ANKS1B: variants seen among roughly 807,000 people sequenced by gnomAD.
ANKS1B encodes the protein ankyrin repeat and sterile alpha motif domain containing 1B, also known as ankyrin repeat and sterile alpha motif domain-containing protein 1B.
A neutral mutation model predicts 148.3 loss-of-function variants in ANKS1B; 36 were observed. That is an observed-to-expected ratio of 0.24 (90% confidence interval 0.19 to 0.32). ANKS1B has a LOEUF of 0.32. ANKS1B is among the 10% of genes least tolerant of loss of function. The probability of loss-of-function intolerance (pLI) is 1.00; values close to 1 mark genes in which losing one functional copy is unlikely to be tolerated. For missense variants in ANKS1B, 1,157 were observed against 1,542.6 expected, an observed-to-expected ratio of 0.75 and a Z score of 4.19; for synonymous variants, 542 against 560.8, an observed-to-expected ratio of 0.97 and a Z score of 0.47.
At chr12:99,368,644 C>A (rs1187164848) in intron 12 of ANKS1B, among the ~76,000 whole-genome samples, 1 of 151,988 alleles carries the variant, frequency 6.6e-6, no homozygotes, top group Non-Finnish European at 1.5e-5. Flanking sequence ...CTTGCACTAT[C>A]TGTTGTCATT....
chr12:99,383,761 C>A (rs2093738781), intron 12 of ANKS1B, among the ~76,000 whole-genome samples: 1 of 151,062 alleles, frequency 6.6e-6, no homozygotes, highest in Non-Finnish European at 1.5e-5. Flanking sequence ...GCCTGTAATG[C>A]CAGCACTTTG....
chr12:99,464,739 A>C (rs2096065528), intron 10 of ANKS1B, among the ~76,000 whole-genome samples: 1 of 152,188 alleles, frequency 6.6e-6, no homozygotes. Flanking sequence ...GGAAGTTTAG[A>C]GAAAAAAGAA....
intron 15 of ANKS1B, among the ~76,000 whole-genome samples, chr12:99,146,973 C>T (rs1377545370): frequency 6.6e-6 from 1 of 152,130 alleles, no homozygotes; most frequent in African/African-American, 2.4e-5. Context: ...TATCTATGTA[C>T]TGGCTATGGC....
intron 12 of ANKS1B, among the ~76,000 whole-genome samples, chr12:99,262,715 ATTT>A (rs1485716659): frequency 2.0e-5 from 3 of 151,844 alleles, no homozygotes; most frequent in Non-Finnish European, 2.9e-5. Flanking sequence ...AGACATGTTT[ATTT>A]TATTTGTCTA....
chr12:98,887,568 T>G (rs1395833487), intron 17 of ANKS1B, among the ~76,000 whole-genome samples: 1 of 152,128 alleles, frequency 6.6e-6, no homozygotes, highest in Non-Finnish European at 1.5e-5. Flanking sequence ...AGTTCAACAA[T>G]TATTTAGTTT....
At chr12:99,071,458 T>G (rs1599417693) in intron 16 of ANKS1B, among the ~76,000 whole-genome samples, 1 of 152,256 alleles carries the variant, frequency 6.6e-6, no homozygotes, top group Non-Finnish European at 1.5e-5. Context: ...CACACAGTTC[T>G]GCTTTTCTGT....
At chr12:99,107,197 A>AT in intron 15 of ANKS1B, among the ~76,000 whole-genome samples, 1 of 152,250 alleles carries the variant, frequency 6.6e-6, no homozygotes. Context: ...AAATACAGTA[A>AT]TATCTAATGG....
intron 1 of ANKS1B, among the ~76,000 whole-genome samples, chr12:99,832,422 T>A (rs1261855862): frequency 6.6e-6 from 1 of 152,042 alleles, no homozygotes; most frequent in Non-Finnish European, 1.5e-5. Context: ...ACTCTGTGTC[T>A]ACTAAAAATA....
chr12:99,343,421 C>T (rs941762102), intron 12 of ANKS1B, among the ~76,000 whole-genome samples: 1 of 152,040 alleles, frequency 6.6e-6, no homozygotes, highest in African/African-American at 2.4e-5. Context: ...TATTACTTTT[C>T]TTTATCTCAT....
chr12:98,955,950 T>C (rs1352136341), intron 17 of ANKS1B, among the ~76,000 whole-genome samples: 1 of 152,234 alleles, frequency 6.6e-6, no homozygotes, highest in Non-Finnish European at 1.5e-5. Context: ...TACTTCCTCA[T>C]AATGTGAAGC....
chr12:99,715,005 T>C (rs2057119595), intron 8 of ANKS1B, among the ~76,000 whole-genome samples: 1 of 151,030 alleles, frequency 6.6e-6, no homozygotes, highest in African/African-American at 2.4e-5. Flanking sequence ...GGCAGGTTCC[T>C]GTAATCCCAG....
chr12:99,531,675 TA>T (rs1453554239), intron 9 of ANKS1B, among the ~76,000 whole-genome samples: 1 of 152,194 alleles, frequency 6.6e-6, no homozygotes, highest in Non-Finnish European at 1.5e-5. Flanking sequence ...AACATATGAG[TA>T]CAATTGTCTT....
chr12:99,152,943 T>C (rs1356821174), intron 15 of ANKS1B, among the ~76,000 whole-genome samples: 2 of 152,108 alleles, frequency 1.3e-5, no homozygotes, highest in African/African-American at 4.8e-5. Flanking sequence ...TTCACTTTTT[T>C]CCATTTCAAT....
At chr12:99,420,618 G>C (rs2095052446) in intron 11 of ANKS1B, among the ~76,000 whole-genome samples, 1 of 152,080 alleles carries the variant, frequency 6.6e-6, no homozygotes, top group Non-Finnish European at 1.5e-5. Flanking sequence ...ATTAATAAAA[G>C]TTTGTCTTTT....
chr12:99,118,601 G>T (rs75404661), intron 15 of ANKS1B, among the ~76,000 whole-genome samples: 3,110 of 152,184 alleles, frequency 0.02, 97 homozygotes, highest in East Asian at 0.084. Context: ...AATATTATGT[G>T]CTGCAATGCT....
At chr12:99,732,447 A>G (rs1353123793) in intron 8 of ANKS1B, among the ~76,000 whole-genome samples, 1 of 152,204 alleles carries the variant, frequency 6.6e-6, no homozygotes, top group Non-Finnish European at 1.5e-5. Context: ...ACAATAAAAT[A>G]CTACTCAGCA....
At chr12:98,746,993 G>A (rs565916273) in intron 26 of ANKS1B, among the ~76,000 whole-genome samples, 2 of 152,160 alleles carry the variant, frequency 1.3e-5, no homozygotes, top group Admixed American at 1.3e-4. Flanking sequence ...AAACACTACA[G>A]GACATTGGTC....
intron 12 of ANKS1B, among the ~76,000 whole-genome samples, chr12:99,345,774 C>G (rs1035241325): frequency 6.6e-6 from 1 of 151,788 alleles, no homozygotes; most frequent in African/African-American, 2.4e-5. Flanking sequence ...GTAGGCAGAC[C>G]TTTTTAAAAA....
chr12:99,592,599 G>A (rs1162161375), intron 9 of ANKS1B, among the ~76,000 whole-genome samples: 1 of 152,006 alleles, frequency 6.6e-6, no homozygotes, highest in Non-Finnish European at 1.5e-5. Flanking sequence ...GAGAAGGACT[G>A]AAGAGAAGAG....
Sources: allele counts gnomAD v4.1 joint callset (sites outside exome capture counted in the v4.1 genomes callset), GRCh38; gene constraint gnomAD v4.1.1; transcripts MANE v1.5; gene names NCBI Gene and HGNC (gene_info 2026-07-23, HGNC 2026-07-21).